Variants in SCG3 observed in about 807,000 individuals in gnomAD.
SCG3 encodes secretogranin III, also known as secretogranin-3.
In SCG3, 38 loss-of-function variants were observed where a neutral mutation model predicts 56.2. The ratio of observed to expected loss-of-function variants is 0.68; its 90% CI spans 0.52 to 0.89. SCG3 has a LOEUF of 0.89. Ranked by LOEUF, SCG3 falls within the 40% of genes least tolerant of loss-of-function variation. SCG3 has a pLI of 0.00. For missense variants in SCG3, 524 were observed against 540.7 expected (o/e 0.97, Z 0.31); for synonymous variants, 176 against 184.2 (o/e 0.96, Z 0.36).
chr15:51,704,244 C>CACATATATATATATATATAT (rs1555457964), intron 10 of SCG3, among the ~76,000 whole-genome samples: 1 of 73,600 alleles, frequency 1.4e-5, no homozygotes, highest in Non-Finnish European at 2.6e-5. Context: ...TACATACATA[C>CACATATATATATATATATAT]ATATATATAT....
chr15:51,699,478 C>T, intron 9 of SCG3, 76 bp downstream of exon 9: 1 of 960,658 alleles, frequency 1.0e-6, no homozygotes, highest in Non-Finnish European at 1.6e-6. Flanking sequence ...CTTTAATAAA[C>T]ATTAATTTAA....
intron 4 of SCG3, 96 bp downstream of exon 4, chr15:51,683,530 T>C: frequency 1.3e-6 from 1 of 768,528 alleles, no homozygotes. Flanking sequence ...TAAACATTCA[T>C]AATCCTTTAT....
At chr15:51,704,351 G>A (rs2055360128) in intron 10 of SCG3, among the ~76,000 whole-genome samples, 1 of 146,600 alleles carries the variant, frequency 6.8e-6, no homozygotes, top group Admixed American at 6.9e-5. Flanking sequence ...GTTTTTAACT[G>A]TACAGTTTTG....
intron 10 of SCG3, among the ~76,000 whole-genome samples, chr15:51,709,467 T>C (rs2055397698): frequency 1.3e-5 from 2 of 151,896 alleles, no homozygotes; most frequent in Admixed American, 1.3e-4. Flanking sequence ...GGAATAATGA[T>C]ATTTAATTAA....
chr15:51,692,541 G>C (rs1030929817), intron 7 of SCG3, among the ~76,000 whole-genome samples: 12 of 152,050 alleles, frequency 7.9e-5, no homozygotes, highest in African/African-American at 2.9e-4. Context: ...TGATGTTTCT[G>C]GATAATTTAA....
chr15:51,711,398 T>C (rs890571201), intron 10 of SCG3, among the ~76,000 whole-genome samples: 2 of 152,244 alleles, frequency 1.3e-5, no homozygotes, highest in African/African-American at 4.8e-5. Flanking sequence ...CTTAATATTA[T>C]GTAAAGAACA....
intron 4 of SCG3, among the ~76,000 whole-genome samples, chr15:51,685,886 G>A (rs1715492282): frequency 6.6e-6 from 1 of 152,230 alleles, no homozygotes; most frequent in South Asian, 2.1e-4. Context: ...TTGAGCAATT[G>A]CTATGTATTG....
chr15:51,690,434 T>G (rs1329999624), intron 6 of SCG3, among the ~76,000 whole-genome samples: 1 of 152,082 alleles, frequency 6.6e-6, no homozygotes, highest in Non-Finnish European at 1.5e-5. Flanking sequence ...GCTCCTCATC[T>G]CCTCCAGCAT....
chr15:51,682,419 C>A, intron 1 of SCG3, 98 bp from the exon 2 acceptor site: 2 of 588,326 alleles, frequency 3.4e-6, no homozygotes, highest in East Asian at 3.3e-5. Context: ...AATTATTTCT[C>A]CTAATATTTT....
intron 10 of SCG3, among the ~76,000 whole-genome samples, chr15:51,711,353 A>G (rs956547798): frequency 2.6e-4 from 40 of 152,392 alleles, no homozygotes; most frequent in African/African-American, 8.7e-4. Context: ...CTCTAACATC[A>G]TGATACGATA....
intron 10 of SCG3, among the ~76,000 whole-genome samples, chr15:51,703,956 C>G (rs2055354373): frequency 6.6e-6 from 1 of 151,688 alleles, no homozygotes; most frequent in African/African-American, 2.4e-5. Flanking sequence ...ACATTTTTTC[C>G]TACATTGACA....
In SCG3 at chr15:51,681,810, G is replaced by A. The variant is rs960992607; in HGVS notation, c.55G>A (p.Ala19Thr). Residue 19 changes from alanine (A) to threonine (T), a missense_variant, in exon 1 of 12, where the codon GCT becomes ACT. By Grantham distance (58) the Ala-to-Thr change is moderately conservative. Transcript: ENST00000220478. ...WILVLVLPIQAFPKPGGSQDK... is the reference protein window; with the variant it reads ...WILVLVLPIQTFPKPGGSQDK... ...TCTGGTGTTAGTGCTCCCGATTCAAGCTTTCCCCAAACCTGGAGGAAGCCA... is the reference window on the plus strand; with the variant it reads ...TCTGGTGTTAGTGCTCCCGATTCAAACTTTCCCCAAACCTGGAGGAAGCCA... 4 of 1,614,008 alleles carry A rather than the reference G, an allele frequency of 2.5e-6. No homozygotes were observed. The highest frequency in any genetic ancestry group is 2.5e-6 in the Non-Finnish European group (3 of 1,179,996).
intron 9 of SCG3, 55 bp downstream of exon 9, chr15:51,699,457 T>C (rs578151637): frequency 9.0e-7 from 1 of 1,109,174 alleles, no homozygotes; most frequent in Non-Finnish European, 1.3e-6. Context: ...TTTTGAGTGG[T>C]AAATAATGAA....
chr15:51,693,548 A>G (rs560103857), intron 7 of SCG3: 20 of 152,314 alleles, frequency 1.3e-4, no homozygotes, highest in Non-Finnish European at 2.9e-4. Context: ...TGCAAGGAGG[A>G]TAATAATGTG....
At chr15:51,717,953 G>C (rs1010641269) in intron 11 of SCG3, among the ~76,000 whole-genome samples, 6 of 152,176 alleles carry the variant, frequency 3.9e-5, no homozygotes, top group African/African-American at 1.2e-4. Flanking sequence ...CAGGGTACAG[G>C]GTAGGACCCT....
At chr15:51,682,941 G>A (rs561934320) in intron 2 of SCG3, 138 bp from the exon 3 acceptor site, 1 of 649,980 alleles carries the variant, frequency 1.5e-6, no homozygotes, top group African/African-American at 1.8e-5. Flanking sequence ...TATTATAACA[G>A]TGCTCTGAAA....
At chr15:51,709,405 T>G (rs1394342059) in intron 10 of SCG3, among the ~76,000 whole-genome samples, 1 of 152,010 alleles carries the variant, frequency 6.6e-6, no homozygotes, top group East Asian at 1.9e-4. Context: ...CTATGTCGCC[T>G]TGGGCATGTC....
intron 5 of SCG3, among the ~76,000 whole-genome samples, 165 bp from the exon 6 acceptor site, chr15:51,689,054 A>G (rs535351970): frequency 3.3e-5 from 5 of 152,368 alleles, no homozygotes; most frequent in African/African-American, 7.2e-5. Flanking sequence ...AGCAATCCCT[A>G]TAACAGCCAG....
chr15:51,701,551 A>T (rs1485027368), intron 10 of SCG3, among the ~76,000 whole-genome samples: 1 of 152,166 alleles, frequency 6.6e-6, no homozygotes, highest in African/African-American at 2.4e-5. Context: ...AATCTTATGA[A>T]TTTATTGAGC....
Sources: gnomAD v4.1 joint callset for allele counts (sites outside exome capture counted in the v4.1 genomes callset) on GRCh38, gnomAD v4.1.1 for gene constraint, MANE v1.5 for transcripts, NCBI Gene and HGNC (gene_info 2026-07-23, HGNC 2026-07-21) for gene names.